The following ITPR2 variants were observed in gnomAD, a reference collection of about 807,000 sequenced individuals.
ITPR2 encodes inositol 1,4,5-trisphosphate-gated calcium channel ITPR2.
ITPR2 carries 207 observed loss-of-function variants against 317.1 expected under a neutral mutation model. The ratio of observed to expected loss-of-function variants is 0.65; its 90% CI spans 0.58 to 0.73. The LOEUF is 0.73. Ranked by LOEUF, ITPR2 falls within the 30% of genes least tolerant of loss-of-function variation. The pLI is 0.00. For synonymous variants in ITPR2, 1,156 were observed against 1,149.1 expected, an observed-to-expected ratio of 1.01 and a Z score of -0.12; for missense variants, 2,613 against 3,284.0, an observed-to-expected ratio of 0.80 and a Z score of 4.99.
chr12:26,582,366 T>C (rs1006763547), intron 32 of ITPR2, among the ~76,000 whole-genome samples: 1 of 152,240 alleles, frequency 6.6e-6, no homozygotes, highest in African/African-American at 2.4e-5. Context: ...ATGATCTTTT[T>C]ATGTGCAATA....
intron 42 of ITPR2, 54 bp downstream of exon 42, chr12:26,483,644 G>A: frequency 7.7e-7 from 1 of 1,299,010 alleles, no homozygotes; most frequent in Admixed American, 1.7e-5. Context: ...ACAAAGATTG[G>A]CTCCTTCCCC....
At position 26,831,161 on chromosome 12, in the gene ITPR2, T is replaced by C. The variant is rs1361861626; in HGVS notation, c.92+1529A>G. Among the ~76,000 whole-genome samples the C allele has an allele frequency of 3.9e-5, 6 of 152,308 alleles. No homozygotes were observed. Among genetic ancestry groups the C allele is most frequent in the African/African-American group, 1.4e-4 (6 of 41,554 alleles). ...AGGCCCAGAAACTGAACTTGTATCA[T>C]GAATGATCTCAAAAACAGTGGTAGC... On this transcript the variant is annotated intron_variant, in intron 1 of 56. Transcript: ENST00000381340. The surrounding 1 kb of genome is among the most constrained non-coding windows in gnomAD (Gnocchi z 4.9).
At chr12:26,382,556 T>G (rs1027814188) in intron 55 of ITPR2, among the ~76,000 whole-genome samples, 2 of 152,044 alleles carry the variant, frequency 1.3e-5, no homozygotes, top group African/African-American at 4.8e-5. Context: ...TCCCAGCTAC[T>G]TGGGAGGCTA....
intron 45 of ITPR2, among the ~76,000 whole-genome samples, chr12:26,474,793 C>CAAAAA (rs10616680): frequency 1.2e-5 from 1 of 84,050 alleles, no homozygotes; most frequent in Admixed American, 1.5e-4. Flanking sequence ...GACTCCGTCT[C>CAAAAA]AAAAAAAAAA....
At chr12:26,464,563 C>T (rs1311855768) in intron 45 of ITPR2, among the ~76,000 whole-genome samples, 3 of 152,160 alleles carry the variant, frequency 2.0e-5, no homozygotes, top group Non-Finnish European at 4.4e-5. Flanking sequence ...GTTGGGGACC[C>T]CTGATCTACA....
intron 21 of ITPR2, among the ~76,000 whole-genome samples, chr12:26,637,349 T>G (rs1192888479): frequency 3.3e-5 from 5 of 152,150 alleles, no homozygotes; most frequent in African/African-American, 1.2e-4. Context: ...TAGTATAGCA[T>G]GGACAGCACA....
At chr12:26,802,401 A>G (rs141350321) in intron 1 of ITPR2, among the ~76,000 whole-genome samples, 1 of 152,130 alleles carries the variant, frequency 6.6e-6, no homozygotes, top group East Asian at 1.9e-4. Context: ...TAATGCTAGC[A>G]CTTTGCGAGG....
chr12:26,782,988 G>A (rs1050930622), intron 2 of ITPR2, among the ~76,000 whole-genome samples: 2 of 152,228 alleles, frequency 1.3e-5, no homozygotes, highest in African/African-American at 2.4e-5. Flanking sequence ...TGCCTAGCAA[G>A]AACACACTTT....
intron 32 of ITPR2, among the ~76,000 whole-genome samples, chr12:26,585,565 C>T (rs1243460489): frequency 2.0e-5 from 3 of 151,982 alleles, no homozygotes; most frequent in African/African-American, 7.2e-5. Context: ...CCACAACACC[C>T]GACTAATTTT....
At chr12:26,820,962 C>T (rs1950929674) in intron 1 of ITPR2, among the ~76,000 whole-genome samples, 1 of 152,030 alleles carries the variant, frequency 6.6e-6, no homozygotes, top group Non-Finnish European at 1.5e-5. Context: ...CTAGAGGTTA[C>T]CAGGGGCTGG....
chr12:26,551,452 G>A (rs1433458874), intron 36 of ITPR2, among the ~76,000 whole-genome samples: 1 of 152,208 alleles, frequency 6.6e-6, no homozygotes, highest in African/African-American at 2.4e-5. Flanking sequence ...TCTGACCTCA[G>A]AGCGAAAATT....
chr12:26,770,420 T>C (rs940247883), intron 2 of ITPR2, among the ~76,000 whole-genome samples: 5 of 152,210 alleles, frequency 3.3e-5, no homozygotes, highest in African/African-American at 9.7e-5. Flanking sequence ...TCCCCTCCTC[T>C]CTGCCTGGTT....
intron 55 of ITPR2, chr12:26,373,719 G>GGTACGGA (rs1939255147): frequency 6.6e-6 from 1 of 152,102 alleles, no homozygotes; most frequent in Admixed American, 6.6e-5. Context: ...CATTCAGAGT[G>GGTACGGA]GTATGGACAC....
intron 34 of ITPR2, among the ~76,000 whole-genome samples, chr12:26,567,339 C>T (rs1347541476): frequency 6.6e-6 from 1 of 152,194 alleles, no homozygotes; most frequent in Non-Finnish European, 1.5e-5. Flanking sequence ...TGATGGAACA[C>T]ATTCTTCTAT....
At chr12:26,383,865 G>T (rs1200431227) in intron 55 of ITPR2, among the ~76,000 whole-genome samples, 1 of 152,082 alleles carries the variant, frequency 6.6e-6, no homozygotes, top group Non-Finnish European at 1.5e-5. Flanking sequence ...GTACAAATCA[G>T]ATTTACATAA....
chr12:26,561,316 G>A (rs1264205347), intron 35 of ITPR2, among the ~76,000 whole-genome samples: 1 of 152,186 alleles, frequency 6.6e-6, no homozygotes, highest in Non-Finnish European at 1.5e-5. Context: ...GTGACATTCT[G>A]CAACAGCAGC....
intron 1 of ITPR2, among the ~76,000 whole-genome samples, chr12:26,828,687 T>C (rs1327645387): frequency 2.0e-5 from 3 of 152,236 alleles, no homozygotes; most frequent in Non-Finnish European, 4.4e-5. Context: ...AATTATTTTA[T>C]TTATGGATTC....
chr12:26,707,016 C>G (rs747668738), intron 9 of ITPR2, among the ~76,000 whole-genome samples: 4 of 152,186 alleles, frequency 2.6e-5, no homozygotes, highest in Non-Finnish European at 4.4e-5. Context: ...TTGCCCCAAG[C>G]AAGAATCTTC....
chr12:26,595,202 C>T (rs1945811658), intron 32 of ITPR2, among the ~76,000 whole-genome samples: 1 of 152,164 alleles, frequency 6.6e-6, no homozygotes, highest in African/African-American at 2.4e-5. Flanking sequence ...ACTAAGATTC[C>T]ATTTAATAAC....
Sources: gnomAD v4.1 joint callset for allele counts (sites outside exome capture counted in the v4.1 genomes callset) on GRCh38, gnomAD v4.1.1 for gene constraint, Gnocchi (gnomAD v3.1) non-coding constraint, MANE v1.5 for transcripts, NCBI Gene and HGNC (gene_info 2026-07-23, HGNC 2026-07-21) for gene names.